The following ASPSCR1 variants were observed in gnomAD, a reference collection of about 807,000 sequenced individuals.
ASPSCR1 encodes tether containing UBX domain for GLUT4.
ASPSCR1 carries 55 observed loss-of-function variants against 68.9 expected under a neutral mutation model. That is an observed-to-expected ratio of 0.80 (90% CI 0.64 to 1.00). The LOEUF (loss-of-function observed/expected upper bound fraction) is 1.00, where lower values mean the gene tolerates loss of function less well. ASPSCR1 is among the 50% of genes least tolerant of loss of function. ASPSCR1 has a pLI of 0.00. For missense variants in ASPSCR1, 765 were observed against 762.2 expected (o/e 1.00, Z -0.04); for synonymous variants, 352 against 332.6 (o/e 1.06, Z -0.63).
At chr17:81,984,614 C>G (rs1340558290) in intron 3 of ASPSCR1, among the ~76,000 whole-genome samples, 1 of 151,630 alleles carries the variant, frequency 6.6e-6, no homozygotes, top group African/African-American at 2.4e-5. Flanking sequence ...CATTTACCAT[C>G]TCATGTGGCT....
intron 7 of ASPSCR1, among the ~76,000 whole-genome samples, chr17:82,002,307 G>A (rs1598417237): frequency 6.6e-6 from 1 of 150,946 alleles, no homozygotes; most frequent in East Asian, 1.9e-4. Context: ...CACCCAGGCT[G>A]GAGTACAATG....
chr17:81,996,750 C>T lies in ASPSCR1; in HGVS notation c.837C>T (p.Pro279=), dbSNP rs1192946362. ...LPKSLSSPGG[P]SKPKKSKSGQ... ...AGTCCCTCTCCAGCCCTGGAGGCCCCTCCAAGCCAAAGAAGTCCAAGTCGG... is the reference window on the plus strand; with the variant it reads ...AGTCCCTCTCCAGCCCTGGAGGCCCTTCCAAGCCAAAGAAGTCCAAGTCGG... The change falls in exon 7 of 16, where the codon CCC becomes CCT. Residue 279 remains proline, a synonymous_variant. Coordinates refer to ENST00000306739, the MANE Select transcript of ASPSCR1 (RefSeq NM_024083.4). The T allele has an allele frequency of 6.2e-7, 1 of 1,613,374 alleles. No homozygotes were observed.
At chr17:81,995,582 G>A (rs1176577733) in intron 5 of ASPSCR1, 18 of 376,474 alleles carry the variant, frequency 4.8e-5, no homozygotes, top group Non-Finnish European at 8.4e-5. Context: ...GGCCAGCCAG[G>A]CCCGATCCCT....
Position 81,977,745 on chromosome 17 carries a change from T to C in ASPSCR1, c.99T>C (p.Leu33=), listed in dbSNP as rs999943854. The C allele has an allele frequency of 8.1e-7, 1 of 1,237,390 alleles. No homozygotes were observed. The highest frequency in any genetic ancestry group is 1.0e-6 in the Non-Finnish European group (1 of 988,722). 76.7% of individuals were successfully genotyped at this position (1,237,390 alleles called of 1,614,324 possible). Residue 33 remains leucine, a synonymous_variant, in exon 1 of 16, where the codon CTT becomes CTC. Transcript: ENST00000306739. The surrounding 1 kb of genome is among the most constrained non-coding windows in gnomAD (Gnocchi z 5.0). ...AGGTGACGCCGAGCACCGTGCTGCTTCAGGTGCGGCCGCCCGCCCGGGGCG... is the reference window on the plus strand; with the variant it reads ...AGGTGACGCCGAGCACCGTGCTGCTCCAGGTGCGGCCGCCCGCCCGGGGCG... The part of the protein sequence containing the change: ...TVKVTPSTVL[L]QVLEDTCRRQ...
intron 3 of ASPSCR1, among the ~76,000 whole-genome samples, chr17:81,984,730 G>A (rs1010700591): frequency 6.6e-6 from 1 of 151,808 alleles, no homozygotes; most frequent in African/African-American, 2.4e-5. Context: ...GGGACACGAG[G>A]ACTGTCTCCA....
intron 13 of ASPSCR1, 29 bp downstream of exon 13, chr17:82,016,556 G>T: frequency 6.5e-7 from 1 of 1,549,138 alleles, no homozygotes; most frequent in Non-Finnish European, 8.7e-7. Context: ...GGCCAGTGTC[G>T]GAGTCCAGCC....
rs765831523 is a variant in ASPSCR1 at position 82,009,053 on chromosome 17, C to G, written c.950C>G (p.Pro317Arg). The G allele has an allele frequency of 3.9e-6, 6 of 1,556,364 alleles. No homozygotes were observed. Among genetic ancestry groups the G allele is most frequent in the Non-Finnish European group, 5.2e-6 (6 of 1,150,674 alleles). The change falls in exon 8 of 16, where the codon CCC becomes CGC. Residue 317 changes from proline to arginine, a missense_variant. By Grantham distance (103) the Pro-to-Arg change is moderately radical. Transcript: ENST00000306739. ...TGCCTCCAGCCCGTGGACCGGGAGC[C>G]CGTGGACCGGGAGCCGGTGGTGTGC... is the stretch of plus-strand genomic sequence containing the variant. ...QERERPVDRE[P>R]VDREPVVCHP...
chr17:82,011,258 A>G (rs2042928100), intron 10 of ASPSCR1, among the ~76,000 whole-genome samples: 1 of 104,274 alleles, frequency 9.6e-6, no homozygotes, highest in African/African-American at 3.8e-5. Context: ...CCAAGGTCAC[A>G]GGGGCCTCCC....
In ASPSCR1 at chr17:82,016,996, C is replaced by A; in HGVS notation, c.1531C>A (p.Pro511Thr). The change falls in exon 15 of 16, where the codon CCT becomes ACT. Residue 511 changes from proline to threonine, a missense_variant. Pro to Thr is a conservative substitution (Grantham distance 38, BLOSUM62 -1). Transcript: ENST00000306739. ...PSPLPAPDPA[P>T]KSEPAAEEGA... Reference sequence around the variant, plus strand: ...CCCATTGCCAGCCCCTGACCCTGCACCTAAGTCTGAGCCAGCTGCTGAGGA... The same window carrying A: ...CCCATTGCCAGCCCCTGACCCTGCAACTAAGTCTGAGCCAGCTGCTGAGGA... 6.2e-7 allele frequency: 1 copy of A among 1,612,630 alleles called. No homozygotes were observed. Among genetic ancestry groups the A allele is most frequent in the South Asian group, 1.1e-5 (1 of 91,062 alleles).
At chr17:81,992,739 C>T (rs984738274) in intron 4 of ASPSCR1, among the ~76,000 whole-genome samples, 2 of 152,258 alleles carry the variant, frequency 1.3e-5, no homozygotes, top group African/African-American at 2.4e-5. Context: ...CCCTGCGTCT[C>T]GGGGCCTCTG....
intron 7 of ASPSCR1, chr17:82,005,695 C>T (rs1218113550): frequency 6.6e-6 from 1 of 152,280 alleles, no homozygotes; most frequent in Non-Finnish European, 1.5e-5. Context: ...GTATGGCATC[C>T]AGTTGCCTCC....
chr17:81,994,896 G>C lies in ASPSCR1; in HGVS notation c.432+18G>C. 1 of 1,604,530 alleles carries C rather than the reference G, an allele frequency of 6.2e-7. No homozygotes were observed. Among genetic ancestry groups the C allele is most frequent in the Middle Eastern group, 1.7e-4 (1 of 6,032 alleles). On this transcript the variant is annotated intron_variant, in intron 5 of 15. Coordinates refer to ENST00000306739, the MANE Select transcript of ASPSCR1 (RefSeq NM_024083.4). ...GGGATGAGGTAGGCGGCCTGCTCTT[G>C]CTCACCCAGTCCCCGCTCACTTTCA...
At chr17:81,989,721 GT>G (rs1298282936) in intron 4 of ASPSCR1, among the ~76,000 whole-genome samples, 1 of 152,212 alleles carries the variant, frequency 6.6e-6, no homozygotes, top group Non-Finnish European at 1.5e-5. Context: ...GGGTGTCACT[GT>G]AGCACGCAGC....
At position 81,994,808 on chromosome 17, in the gene ASPSCR1, C is replaced by A. The variant is rs767117214; in HGVS notation, c.375-13C>A. The A allele has an allele frequency of 6.2e-7, 1 of 1,612,952 alleles. No homozygotes were observed. Among genetic ancestry groups the A allele is most frequent in the South Asian group, 1.1e-5 (1 of 91,074 alleles). On this transcript the variant is annotated splice_polypyrimidine_tract_variant and intron_variant, in intron 4 of 15. Coordinates refer to ENST00000306739, the MANE Select transcript of ASPSCR1 (RefSeq NM_024083.4). ...CCCTGGGGTACCTGATGGTTTCTTT[C>A]CTCTCCTCCCAGGGAGTGCCTGCAG... is the stretch of plus-strand genomic sequence containing the variant.
chr17:82,009,614 G>A (rs1567988432), intron 9 of ASPSCR1, 47 bp downstream of exon 9: 1 of 1,527,098 alleles, frequency 6.5e-7, no homozygotes, highest in Non-Finnish European at 8.8e-7. Context: ...CTCTGAGGGG[G>A]CCCCCCGTGA....
intron 9 of ASPSCR1, 140 bp from the exon 10 acceptor site, chr17:82,010,662 A>C: frequency 1.2e-6 from 1 of 834,434 alleles, no homozygotes; most frequent in Non-Finnish European, 2.0e-6. Flanking sequence ...GTCAAAGCCC[A>C]GGCCCTGATT....
chr17:82,012,378 C>T, intron 12 of ASPSCR1, 95 bp downstream of exon 12: 2 of 1,423,714 alleles, frequency 1.4e-6, no homozygotes, highest in South Asian at 2.3e-5. Context: ...AGGGGCCTGG[C>T]AGGCGCTGGG....
intron 9 of ASPSCR1, chr17:82,009,892 CT>C (rs1445450829): frequency 8.1e-6 from 2 of 246,946 alleles, no homozygotes; most frequent in Non-Finnish European, 1.6e-5. Flanking sequence ...TGATCCTCCC[CT>C]GCTCATGATT....
rs1755847793 is a variant in ASPSCR1, at chr17:82,016,468, C to A, written c.1354-8C>A. 1 of 1,547,968 alleles carries A rather than the reference C, an allele frequency of 6.5e-7. No individual in the cohort carries two copies. The highest frequency in any genetic ancestry group is 8.7e-7 in the Non-Finnish European group (1 of 1,146,836). On this transcript the variant is annotated splice_polypyrimidine_tract_variant and splice_region_variant and intron_variant, in intron 12 of 15. Transcript: ENST00000306739. ...ACCCGGCCCCTGAGCCCCCCGCCCT[C>A]CCTGCAGGCGAACCTCTTCCCGGCC... is the stretch of plus-strand genomic sequence containing the variant.
Sources: allele counts gnomAD v4.1 joint callset (sites outside exome capture counted in the v4.1 genomes callset), GRCh38; gene constraint gnomAD v4.1.1; non-coding constraint Gnocchi (gnomAD v3.1); transcripts MANE v1.5; gene names NCBI Gene and HGNC (gene_info 2026-07-23, HGNC 2026-07-21).